Variants in POU6F2 observed in about 807,000 individuals in gnomAD.
POU6F2 encodes the protein POU class 6 homeobox 2.
A neutral mutation model predicts 71.3 loss-of-function variants in POU6F2; 31 were observed. The observed-to-expected ratio is 0.43, with a 90% CI of 0.33 to 0.59. The LOEUF is 0.59. Among genes scored for constraint, POU6F2 ranks in the 20% least tolerant of loss-of-function variants. The pLI, the probability that POU6F2 is intolerant of heterozygous loss-of-function variation, is 0.04. For synonymous variants in POU6F2, 347 were observed against 355.7 expected, an observed-to-expected ratio of 0.98 and a Z score of 0.27; for missense variants, 783 against 856.8, an observed-to-expected ratio of 0.91 and a Z score of 1.07.
intron 2 of POU6F2, among the ~76,000 whole-genome samples, chr7:39,100,010 G>A (rs556987844): frequency 1.4e-4 from 22 of 152,362 alleles, no homozygotes; most frequent in Middle Eastern, 3.4e-3. Context: ...TGACTAGATT[G>A]TGGGTCTTCT....
chr7:39,029,105 A>G (rs1207767840), intron 1 of POU6F2, among the ~76,000 whole-genome samples: 1 of 152,150 alleles, frequency 6.6e-6, no homozygotes, highest in African/African-American at 2.4e-5. Flanking sequence ...TATAGGTATG[A>G]GCCACTGCAA....
chr7:39,300,389 T>C (rs1021727698), intron 4 of POU6F2, among the ~76,000 whole-genome samples: 1 of 152,018 alleles, frequency 6.6e-6, no homozygotes, highest in African/African-American at 2.4e-5. Flanking sequence ...GGAAGGTGTT[T>C]CAAAGTGCTG....
intron 1 of POU6F2, among the ~76,000 whole-genome samples, chr7:39,012,535 T>C (rs1789323121): frequency 3.3e-5 from 5 of 151,910 alleles, no homozygotes; most frequent in Admixed American, 1.3e-4. Flanking sequence ...ATCAAAGTCA[T>C]TCTCCATCCA....
intron 6 of POU6F2, among the ~76,000 whole-genome samples, chr7:39,407,282 A>G (rs1276924482): frequency 6.6e-6 from 1 of 151,942 alleles, no homozygotes; most frequent in African/African-American, 2.4e-5. Flanking sequence ...AGTCAGCCCC[A>G]TGGTCCCTGG....
chr7:39,398,888 A>G (rs1367763113), intron 5 of POU6F2, among the ~76,000 whole-genome samples: 1 of 152,200 alleles, frequency 6.6e-6, no homozygotes, highest in African/African-American at 2.4e-5. Flanking sequence ...CAACCCTACA[A>G]TGTCATTACA....
At chr7:39,027,330 C>T (rs1254551215) in intron 1 of POU6F2, among the ~76,000 whole-genome samples, 3 of 152,194 alleles carry the variant, frequency 2.0e-5, no homozygotes, top group African/African-American at 7.2e-5. Context: ...AAAACACTCA[C>T]TAGGCTTATG....
chr7:39,298,594 T>C (rs1458225525), intron 4 of POU6F2, among the ~76,000 whole-genome samples: 2 of 152,200 alleles, frequency 1.3e-5, no homozygotes, highest in Non-Finnish European at 2.9e-5. Flanking sequence ...GAAGACAGTG[T>C]GGCTATTCCT....
At chr7:39,409,797 C>T (rs1225937429) in intron 6 of POU6F2, among the ~76,000 whole-genome samples, 1 of 152,202 alleles carries the variant, frequency 6.6e-6, no homozygotes, top group Non-Finnish European at 1.5e-5. Flanking sequence ...AGTTTTGCTT[C>T]CCTATCTTGG....
chr7:39,276,353 TATC>T (rs1374077675), intron 4 of POU6F2, among the ~76,000 whole-genome samples: 1 of 152,174 alleles, frequency 6.6e-6, no homozygotes, highest in Non-Finnish European at 1.5e-5. Flanking sequence ...CACAAAGAGA[TATC>T]ATCTCACACC....
At chr7:39,096,356 T>G (rs937226206) in intron 2 of POU6F2, among the ~76,000 whole-genome samples, 1 of 152,180 alleles carries the variant, frequency 6.6e-6, no homozygotes, top group African/African-American at 2.4e-5. Flanking sequence ...AGGGTTTTCC[T>G]TTTTCTAACA....
At chr7:39,086,761 A>C (rs952413848) in intron 2 of POU6F2, among the ~76,000 whole-genome samples, 1 of 152,170 alleles carries the variant, frequency 6.6e-6, no homozygotes, top group African/African-American at 2.4e-5. Context: ...CTGTCATTCA[A>C]ACAGATGACA....
At chr7:39,141,507 G>A (rs1263957194) in intron 2 of POU6F2, among the ~76,000 whole-genome samples, 2 of 152,136 alleles carry the variant, frequency 1.3e-5, no homozygotes, top group Non-Finnish European at 2.9e-5. Context: ...GATATCAATG[G>A]CCTCATTTTA....
intron 1 of POU6F2, among the ~76,000 whole-genome samples, chr7:38,997,077 G>A (rs1449233462): frequency 1.3e-5 from 2 of 152,094 alleles, no homozygotes; most frequent in East Asian, 3.9e-4. Context: ...AACTTCAGAA[G>A]CCCCAAATGT....
intron 4 of POU6F2, among the ~76,000 whole-genome samples, chr7:39,326,777 A>C (rs1785511328): frequency 6.6e-6 from 1 of 152,160 alleles, no homozygotes; most frequent in African/African-American, 2.4e-5. Flanking sequence ...GAATTTTCAT[A>C]CCAAGCTCCT....
intron 2 of POU6F2, among the ~76,000 whole-genome samples, chr7:39,198,550 G>T (rs1025511337): frequency 6.6e-6 from 1 of 152,126 alleles, no homozygotes; most frequent in Admixed American, 6.5e-5. Context: ...AGACAGTCTT[G>T]GTTCTCCAGG....
At position 39,433,166 on chromosome 7, in the gene POU6F2, C is replaced by A; in HGVS notation, c.1203C>A (p.Thr401=). 6.2e-7 allele frequency: 1 copy of A among 1,613,844 alleles called. No homozygotes were observed. Among genetic ancestry groups the A allele is most frequent in the Middle Eastern group, 1.7e-4 (1 of 6,060 alleles). ...AGGGCTTGCAAGTGCAGCCAATCAC[C>A]CCCCAGCTCCTCACAAACGCCCAGG... ...GTQGLQVQPI[T]PQLLTNAQGQ... The change falls in exon 7 of 10, where the codon ACC becomes ACA. Residue 401 remains threonine, a synonymous_variant. Transcript: ENST00000518318.
At chr7:39,214,206 T>C (rs1341157175) in intron 4 of POU6F2, among the ~76,000 whole-genome samples, 1 of 152,206 alleles carries the variant, frequency 6.6e-6, no homozygotes, top group Non-Finnish European at 1.5e-5. Context: ...TCAGCCTTGA[T>C]GTGAGGGCAT....
chr7:39,427,355 A>G (rs180696847), intron 6 of POU6F2, among the ~76,000 whole-genome samples: 3 of 151,948 alleles, frequency 2.0e-5, no homozygotes, highest in Non-Finnish European at 4.4e-5. Context: ...CCAGTGGGGA[A>G]TTTTTTTTTC....
chr7:39,266,334 G>A (rs895682182), intron 4 of POU6F2, among the ~76,000 whole-genome samples: 19 of 152,122 alleles, frequency 1.2e-4, no homozygotes, highest in African/African-American at 3.1e-4. Context: ...CATCAACATC[G>A]TTTTGCACCA....
Sources: allele counts gnomAD v4.1 joint callset (sites outside exome capture counted in the v4.1 genomes callset), GRCh38; gene constraint gnomAD v4.1.1; transcripts MANE v1.5; gene names NCBI Gene and HGNC (gene_info 2026-07-23, HGNC 2026-07-21).